VWA3B: variants seen among roughly 807,000 people sequenced by gnomAD.
VWA3B encodes the protein von Willebrand factor A domain containing 3B.
Under a neutral mutation model 158.3 loss-of-function variants are expected in VWA3B, and 138 were observed. The ratio of observed to expected loss-of-function variants is 0.87; its 90% CI spans 0.76 to 1.00. The LOEUF is 1.00. Among genes scored for constraint, VWA3B ranks in the 50% least tolerant of loss-of-function variants. VWA3B has a pLI of 0.00. For synonymous variants in VWA3B, 596 were observed against 587.3 expected, an observed-to-expected ratio of 1.01 and a Z score of -0.21; for missense variants, 1,555 against 1,565.1, an observed-to-expected ratio of 0.99 and a Z score of 0.11.
chr2:98,273,073 C>T (rs1688304422), intron 22 of VWA3B, among the ~76,000 whole-genome samples: 1 of 152,246 alleles, frequency 6.6e-6, no homozygotes, highest in South Asian at 2.1e-4. Flanking sequence ...CAGCACAAAA[C>T]GAACTAAGAG....
intron 16 of VWA3B, among the ~76,000 whole-genome samples, chr2:98,231,951 C>T (rs4851951): frequency 0.81 from 122,579 of 152,142 alleles, 49,705 homozygotes; most frequent in South Asian, 0.9. Context: ...ATCTATAGTT[C>T]TTTTAATTTT....
Position 98,312,338 on chromosome 2 carries a change from G to T in VWA3B, c.3874G>T (p.Glu1292Ter), listed in dbSNP as rs762390273. ...HSSKGLRSVP[E>*]TL ...CAGCAAAGGGCTGAGGAGCGTCCCT[G>T]AGACACTTTAAGGCCGTCTGGTGGC... Residue 1292 changes from glutamate (E) to a stop codon, truncating the protein, a stop_gained, in exon 28 of 28, where the codon GAG (glutamate) becomes TAG (stop). Coordinates refer to ENST00000477737, the MANE Select transcript of VWA3B (RefSeq NM_144992.5). LOFTEE classifies it high-confidence loss of function. 1 of 1,612,008 alleles carries T rather than the reference G, an allele frequency of 6.2e-7. No individual in the cohort carries two copies. Among genetic ancestry groups the T allele is most frequent in the Admixed American group, 1.7e-5 (1 of 59,946 alleles).
At chr2:98,166,205 C>T (rs544180207) in intron 8 of VWA3B, among the ~76,000 whole-genome samples, 6 of 152,152 alleles carry the variant, frequency 3.9e-5, no homozygotes, top group African/African-American at 4.8e-5. Flanking sequence ...GGTGTGGTGG[C>T]GCATGCCTTT....
intron 19 of VWA3B, among the ~76,000 whole-genome samples, chr2:98,245,843 A>G (rs1402034317): frequency 6.6e-6 from 1 of 152,172 alleles, no homozygotes; most frequent in African/African-American, 2.4e-5. Flanking sequence ...TGTGACATAT[A>G]GCTCTATTTC....
chr2:98,282,182 C>T lies in VWA3B; in HGVS notation c.3046-8329C>T, dbSNP rs375598223. Among the ~76,000 whole-genome samples the T allele has an allele frequency of 1.3e-4, 20 of 152,186 alleles. 1 individual carries two copies. The South Asian group carries it at 4.2e-3, about 32-fold the overall frequency. ...CTGAAGGGATGGCACCTCTAGCTGC[C>T]CTGGGGAGATGTCTTTTCATCCTGG... is the stretch of plus-strand genomic sequence containing the variant. On this transcript the variant is annotated intron_variant, in intron 22 of 27. Transcript: ENST00000477737.
At chr2:98,316,447 A>T (rs935534823), downstream of VWA3B, among the ~76,000 whole-genome samples, 5 of 152,146 alleles carry the variant, frequency 3.3e-5, no homozygotes, top group African/African-American at 4.8e-5. Context: ...GTTCAAGACC[A>T]GCCTGGGCAA....
At chr2:98,180,092 CTTTCTTTCT>C (rs995762287) in intron 8 of VWA3B, among the ~76,000 whole-genome samples, 3 of 144,534 alleles carry the variant, frequency 2.1e-5, no homozygotes, top group Admixed American at 7.0e-5. Context: ...TTCTCTCTTT[CTTTCTTTCT>C]TTTCTTTCTT....
chr2:98,134,335 C>G (rs917239066), intron 7 of VWA3B, among the ~76,000 whole-genome samples: 1 of 152,154 alleles, frequency 6.6e-6, no homozygotes, highest in African/African-American at 2.4e-5. Context: ...GCAGGGCCTG[C>G]GGATGCAGCT....
chr2:98,182,830 C>T (rs1052653707), intron 9 of VWA3B, among the ~76,000 whole-genome samples: 1 of 152,178 alleles, frequency 6.6e-6, no homozygotes, highest in Non-Finnish European at 1.5e-5. Context: ...TGAGGCAGAA[C>T]CCGAGAGGTG....
intron 7 of VWA3B, among the ~76,000 whole-genome samples, chr2:98,155,824 A>G (rs982075136): frequency 6.6e-6 from 1 of 152,054 alleles, no homozygotes; most frequent in African/African-American, 2.4e-5. Context: ...TCTTGTGAGC[A>G]TTTCTGTAGG....
intron 10 of VWA3B, among the ~76,000 whole-genome samples, chr2:98,192,644 A>G (rs1438193731): frequency 6.6e-6 from 1 of 152,160 alleles, no homozygotes; most frequent in African/African-American, 2.4e-5. Flanking sequence ...AGCACCCACA[A>G]TGGATTTATT....
the VWA3B span, among the ~76,000 whole-genome samples, chr2:98,318,939 G>A: frequency 6.6e-5 from 10 of 152,292 alleles, no homozygotes; most frequent in Admixed American, 2.6e-4. Flanking sequence ...AGTTGGCCCT[G>A]TGGAACCCAT....
intron 22 of VWA3B, among the ~76,000 whole-genome samples, chr2:98,284,563 A>G (rs995137512): frequency 6.6e-6 from 1 of 152,256 alleles, no homozygotes; most frequent in Non-Finnish European, 1.5e-5. Flanking sequence ...CTCATAAAGT[A>G]TGCATTGAAT....
intron 7 of VWA3B, among the ~76,000 whole-genome samples, chr2:98,137,313 C>T (rs535973137): frequency 2.0e-5 from 3 of 152,290 alleles, no homozygotes; most frequent in African/African-American, 7.2e-5. Context: ...TTGTTATTTT[C>T]CCTGTTTTTG....
chr2:98,151,455 C>T (rs576527362), intron 7 of VWA3B, among the ~76,000 whole-genome samples: 23 of 152,152 alleles, frequency 1.5e-4, no homozygotes, highest in Non-Finnish European at 2.8e-4. Context: ...AGCTGAGGCC[C>T]GCTATGTGCC....
intron 23 of VWA3B, among the ~76,000 whole-genome samples, chr2:98,294,013 C>T (rs62155289): frequency 0.039 from 5,925 of 151,770 alleles, 168 homozygotes; most frequent in Middle Eastern, 0.075. Context: ...TTTTACAGAA[C>T]GTTCCTCAGT....
At chr2:98,240,982 A>G (rs563136230) in intron 19 of VWA3B, among the ~76,000 whole-genome samples, 1 of 152,318 alleles carries the variant, frequency 6.6e-6, no homozygotes, top group East Asian at 1.9e-4. Flanking sequence ...AGGAAAGCCA[A>G]CATTCCTACC....
chr2:98,089,100 G>A (rs1446855781), intron 1 of VWA3B, among the ~76,000 whole-genome samples: 2 of 152,030 alleles, frequency 1.3e-5, no homozygotes. Context: ...TTTTTTAAAA[G>A]AGCTGTTTCC....
At chr2:98,105,782 G>A (rs550286510) in intron 2 of VWA3B, among the ~76,000 whole-genome samples, 1 of 152,018 alleles carries the variant, frequency 6.6e-6, no homozygotes, top group South Asian at 2.1e-4. Context: ...TTTACTATGG[G>A]TGTTCAGTTG....
Sources: gnomAD v4.1 joint callset for allele counts (sites outside exome capture counted in the v4.1 genomes callset) on GRCh38, gnomAD v4.1.1 for gene constraint, MANE v1.5 for transcripts, NCBI Gene and HGNC (gene_info 2026-07-23, HGNC 2026-07-21) for gene names.